Variants in AOAH observed in about 807,000 individuals in gnomAD.
The protein encoded by AOAH is acyloxyacyl hydrolase, also known as acyloxyacyl hydrolase (neutrophil).
In AOAH, 64 loss-of-function variants were observed where a neutral mutation model predicts 92.2. The ratio of observed to expected loss-of-function variants is 0.69; its 90% CI spans 0.57 to 0.86. The LOEUF (loss-of-function observed/expected upper bound fraction) is 0.86, where lower values mean the gene tolerates loss of function less well. Ranked by LOEUF, AOAH falls within the 40% of genes least tolerant of loss-of-function variation. AOAH has a pLI of 0.00. For synonymous variants in AOAH, 263 were observed against 254.5 expected (o/e 1.03, Z -0.32); for missense variants, 656 against 694.6 (o/e 0.94, Z 0.62).
intron 6 of AOAH, among the ~76,000 whole-genome samples, chr7:36,626,970 C>T (rs1384023048): frequency 6.6e-6 from 1 of 152,178 alleles, no homozygotes; most frequent in East Asian, 1.9e-4. Flanking sequence ...ATTATTTCTG[C>T]AGAATTGCAT....
intron 2 of AOAH, 119 bp downstream of exon 2, chr7:36,686,580 C>T (rs746744901): frequency 3.4e-5 from 18 of 525,174 alleles, no homozygotes; most frequent in Non-Finnish European, 5.5e-5. Context: ...TATCAACCCA[C>T]AGAAATAGCA....
At chr7:36,520,871 A>C (rs775504028) in intron 20 of AOAH, among the ~76,000 whole-genome samples, 1 of 152,220 alleles carries the variant, frequency 6.6e-6, no homozygotes, top group Non-Finnish European at 1.5e-5. Context: ...AGAAATTCTG[A>C]GGGCATTATT....
At chr7:36,601,310 C>T (rs1004195697) in intron 11 of AOAH, among the ~76,000 whole-genome samples, 3 of 152,040 alleles carry the variant, frequency 2.0e-5, no homozygotes, top group African/African-American at 7.2e-5. Flanking sequence ...GAGGGAAAGT[C>T]CCTGTGGCCC....
intron 13 of AOAH, among the ~76,000 whole-genome samples, chr7:36,562,215 T>C (rs1313876372): frequency 6.6e-6 from 1 of 152,186 alleles, no homozygotes; most frequent in Admixed American, 6.5e-5. Context: ...CTCATCAACA[T>C]TTTGTGTCTC....
At chr7:36,710,717 T>G (rs4412275) in intron 1 of AOAH, among the ~76,000 whole-genome samples, 93,614 of 152,080 alleles carry the variant, frequency 0.62, 29,145 homozygotes, top group East Asian at 0.83. Context: ...CACCCAAGAT[T>G]TGAGAATTTC....
At chr7:36,513,599 C>T (rs1051997690) in intron 20 of AOAH, among the ~76,000 whole-genome samples, 8 of 152,188 alleles carry the variant, frequency 5.3e-5, no homozygotes, top group East Asian at 1.9e-4. Flanking sequence ...GCTGCTTCAG[C>T]GATGGTGTCA....
rs183841717 is a variant in AOAH at position 36,594,274 on chromosome 7, C to T, written c.938+65G>A. 985 of 1,282,568 alleles carry T rather than the reference C, an allele frequency of 7.7e-4. 5 individuals are homozygous for T. The highest frequency in any genetic ancestry group is 1.7e-3 in the Middle Eastern group (9 of 5,394). 79.4% of individuals were successfully genotyped at this position (1,282,568 alleles called of 1,614,324 possible). A position where few individuals can be genotyped will look rare whatever the true frequency, so the allele number is the denominator to read the frequency against. On this transcript the variant is annotated intron_variant, in intron 12 of 20. Coordinates refer to ENST00000617537, the MANE Select transcript of AOAH (RefSeq NM_001637.4). ...GCATTTCAACATCTTGGTAGCAACC[C>T]CCATCTCTTGTTCTTTCCTTACACA...
chr7:36,514,044 G>T (rs575664288), intron 20 of AOAH, among the ~76,000 whole-genome samples: 1 of 152,144 alleles, frequency 6.6e-6, no homozygotes, highest in Non-Finnish European at 1.5e-5. Context: ...AGAGATGAAC[G>T]TGGTGTGTTC....
intron 13 of AOAH, among the ~76,000 whole-genome samples, chr7:36,551,076 CTT>C (rs11373192): frequency 3.7e-5 from 5 of 136,944 alleles, no homozygotes; most frequent in African/African-American, 5.4e-5. Flanking sequence ...TCATTTCTTT[CTT>C]TTTTTTTTTT....
At chr7:36,625,936 C>T (rs1792632819) in intron 6 of AOAH, among the ~76,000 whole-genome samples, 1 of 152,206 alleles carries the variant, frequency 6.6e-6, no homozygotes, top group Admixed American at 6.5e-5. Context: ...GGTTTTCTCT[C>T]ACTTTAATCA....
chr7:36,517,662 G>A (rs1391816486), intron 20 of AOAH, among the ~76,000 whole-genome samples: 4 of 138,468 alleles, frequency 2.9e-5, no homozygotes, highest in East Asian at 4.4e-4. Flanking sequence ...GTGTAGTGGC[G>A]TGATCTCGGC....
intron 4 of AOAH, among the ~76,000 whole-genome samples, chr7:36,653,882 A>C (rs967659778): frequency 6.6e-6 from 1 of 152,186 alleles, no homozygotes; most frequent in Admixed American, 6.5e-5. Context: ...CAGGGACCCA[A>C]ACGGGAGTGG....
chr7:36,582,076 G>A (rs1788968660), intron 12 of AOAH, among the ~76,000 whole-genome samples: 1 of 152,142 alleles, frequency 6.6e-6, no homozygotes, highest in Admixed American at 6.5e-5. Context: ...GACAAGCTGA[G>A]GCTACTAGGA....
At chr7:36,610,385 A>C (rs1341109728) in intron 11 of AOAH, among the ~76,000 whole-genome samples, 1 of 151,964 alleles carries the variant, frequency 6.6e-6, no homozygotes, top group African/African-American at 2.4e-5. Context: ...TATAATATAC[A>C]TATATGCATA....
At chr7:36,696,876 A>AAAG (rs1303770386) in intron 1 of AOAH, among the ~76,000 whole-genome samples, 21 of 151,804 alleles carry the variant, frequency 1.4e-4, no homozygotes, top group Middle Eastern at 3.4e-3. Flanking sequence ...AGAAACAAAA[A>AAAG]AATCAATTTT....
At chr7:36,515,526 ACCACACCCTTCAC>A (rs1783597463) in intron 20 of AOAH, among the ~76,000 whole-genome samples, 2 of 93,982 alleles carry the variant, frequency 2.1e-5, no homozygotes, top group Non-Finnish European at 4.1e-5. Flanking sequence ...CACCACACAC[ACCACACCCTTCAC>A]AACCCCACGC....
intron 13 of AOAH, among the ~76,000 whole-genome samples, chr7:36,572,286 C>G (rs897393724): frequency 6.6e-6 from 1 of 151,908 alleles, no homozygotes; most frequent in East Asian, 1.9e-4. Flanking sequence ...ATTGCTTGAG[C>G]CCAAGAATTC....
intron 11 of AOAH, among the ~76,000 whole-genome samples, chr7:36,596,502 T>C (rs901802720): frequency 1.3e-5 from 2 of 152,078 alleles, no homozygotes; most frequent in East Asian, 1.9e-4. Context: ...TGGAATAAGA[T>C]GGGCCCCCAG....
chr7:36,654,145 A>C (rs945325138), intron 4 of AOAH, among the ~76,000 whole-genome samples: 2 of 112,364 alleles, frequency 1.8e-5, no homozygotes, highest in African/African-American at 5.2e-5. Flanking sequence ...ACACACACAC[A>C]GCAGCAGCAA....
Sources: allele counts gnomAD v4.1 joint callset (sites outside exome capture counted in the v4.1 genomes callset), GRCh38; gene constraint gnomAD v4.1.1; transcripts MANE v1.5; gene names NCBI Gene and HGNC (gene_info 2026-07-23, HGNC 2026-07-21).